The following NLRP5 variants were observed in gnomAD, a reference collection of about 807,000 sequenced individuals.
The protein encoded by NLRP5 is NACHT, LRR and PYD domains-containing protein 5.
NLRP5 carries 93 observed loss-of-function variants against 113.1 expected under a neutral mutation model. The observed-to-expected ratio is 0.82, with a 90% CI of 0.70 to 0.98. The LOEUF (loss-of-function observed/expected upper bound fraction) is 0.98. Among genes scored for constraint, NLRP5 ranks in the 50% least tolerant of loss-of-function variants. The pLI, the probability that NLRP5 is intolerant of heterozygous loss-of-function variation, is 0.00. For missense variants in NLRP5, 1,808 were observed against 1,514.3 expected (o/e 1.19, Z -3.22); for synonymous variants, 751 against 600.7 (o/e 1.25, Z -3.66).
Position 56,027,649 on chromosome 19 carries a change from C to T in NLRP5, c.1416C>T (p.Ala472=), listed in dbSNP as rs767012618. 1.6e-5 allele frequency: 26 copies of T among 1,613,346 alleles called. No individual in the cohort carries two copies. Among genetic ancestry groups the T allele is most frequent in the African/African-American group, 1.3e-5 (1 of 74,942 alleles). The change falls in exon 7 of 15, where the codon GCC becomes GCT. Residue 472 remains alanine, a synonymous_variant. Coordinates refer to ENST00000390649, the MANE Select transcript of NLRP5 (RefSeq NM_153447.4). ...TGCTCGACCAGTGCCAGGTGCCCGCCGTGGGCTCTCTCATCTGCGTGGCCC... is the reference window on the plus strand; with the variant it reads ...TGCTCGACCAGTGCCAGGTGCCCGCTGTGGGCTCTCTCATCTGCGTGGCCC...
intron 1 of NLRP5, chr19:55,999,845 A>T (rs539423695): frequency 1.4e-5 from 18 of 1,317,988 alleles, no homozygotes; most frequent in Non-Finnish European, 2.0e-5. Context: ...TGGTACCATG[A>T]CACACGGATC....
Position 56,028,208 on chromosome 19 carries a change from C to T in NLRP5, c.1975C>T (p.Leu659=), listed in dbSNP as rs755157047. 3.1e-6 allele frequency: 5 copies of T among 1,613,816 alleles called. No homozygotes were observed. The highest frequency in any genetic ancestry group is 1.3e-5 in the African/African-American group (1 of 74,930). Residue 659 remains leucine, a synonymous_variant, in exon 7 of 15, where the codon CTG becomes TTG. Coordinates refer to ENST00000390649, the MANE Select transcript of NLRP5 (RefSeq NM_153447.4). Reference sequence around the variant, plus strand: ...GGTCCTGCTGGGCTGTCCCGTTCCCCTGGGGGTGAAGCAGAAGCTTCTGCA... The same window carrying T: ...GGTCCTGCTGGGCTGTCCCGTTCCCTTGGGGGTGAAGCAGAAGCTTCTGCA...
intron 11 of NLRP5, among the ~76,000 whole-genome samples, chr19:56,045,180 T>G (rs756859381): frequency 2.0e-5 from 3 of 152,236 alleles, no homozygotes; most frequent in Non-Finnish European, 4.4e-5. Context: ...TTTCCTGACT[T>G]GGATGCCCTT....
upstream of NLRP5, among the ~76,000 whole-genome samples, chr19:55,997,246 G>A (rs377516189): frequency 8.6e-5 from 13 of 151,996 alleles, no homozygotes; most frequent in East Asian, 2.3e-3. Flanking sequence ...CTTGATGATC[G>A]TGTGGTTTTT....
chr19:56,039,899 C>G (rs994299671), intron 10 of NLRP5, among the ~76,000 whole-genome samples: 1 of 151,682 alleles, frequency 6.6e-6, no homozygotes, highest in African/African-American at 2.4e-5. Flanking sequence ...GGGCAACAAG[C>G]GCAAAACTCC....
intron 3 of NLRP5, among the ~76,000 whole-genome samples, chr19:56,013,181 CATA>C (rs1982264834): frequency 6.6e-6 from 1 of 151,970 alleles, no homozygotes; most frequent in African/African-American, 2.4e-5. Context: ...CTTCATTTAA[CATA>C]ATGTTTTTGT....
rs568968888 is a variant in NLRP5, at chr19:56,025,214, A to G, written c.680-1699A>G. Among the ~76,000 whole-genome samples, 46 of 152,252 alleles carry G rather than the reference A, an allele frequency of 3.0e-4. 1 individual carries two copies. Among genetic ancestry groups the G allele is most frequent in the African/African-American group, 9.9e-4 (41 of 41,558 alleles). On this transcript the variant is annotated intron_variant, in intron 6 of 14. Coordinates refer to ENST00000390649, the MANE Select transcript of NLRP5 (RefSeq NM_153447.4). Reference sequence around the variant, plus strand: ...ACAATGTAATCATAATAAAGTGCACAATAAACATAATGTGCTTGAGTCATC... The same window carrying G: ...ACAATGTAATCATAATAAAGTGCACGATAAACATAATGTGCTTGAGTCATC...
In NLRP5 at chr19:56,039,012, C is replaced by T. The variant is rs577187863; in HGVS notation, c.2786+817C>T. The stretch of plus-strand genomic sequence containing the variant: ...TGATAACTGATCTAGGGAGGGGAGG[C>T]GAAGCAGCAGCAACAGTTACAGCAA... On this transcript the variant is annotated intron_variant, in intron 10 of 14. Coordinates refer to ENST00000390649, the MANE Select transcript of NLRP5 (RefSeq NM_153447.4). Among the ~76,000 whole-genome samples, 7 of 152,218 alleles carry T rather than the reference C, an allele frequency of 4.6e-5. No individual in the cohort carries two copies. The East Asian group carries it at 9.7e-4, about 21-fold the overall frequency.
chr19:56,050,644 G>A, intron 12 of NLRP5, 56 bp downstream of exon 12: 1 of 1,537,034 alleles, frequency 6.5e-7, no homozygotes, highest in East Asian at 2.3e-5. Context: ...TGGAGTTCCT[G>A]AAAGGTCAAG....
At chr19:56,019,967 G>C (rs184718855) in intron 5 of NLRP5, among the ~76,000 whole-genome samples, 1 of 151,644 alleles carries the variant, frequency 6.6e-6, no homozygotes, top group Admixed American at 6.6e-5. Flanking sequence ...CTCCCGAGTA[G>C]CTGGGATTAC....
At chr19:55,995,486 C>T (rs1981295714), upstream of NLRP5, among the ~76,000 whole-genome samples, 1 of 152,118 alleles carries the variant, frequency 6.6e-6, no homozygotes, top group Non-Finnish European at 1.5e-5. Flanking sequence ...CATGACAGTG[C>T]CATGCTGTTT....
intron 13 of NLRP5, among the ~76,000 whole-genome samples, chr19:56,055,915 T>G (rs2123343290): frequency 6.6e-6 from 1 of 152,258 alleles, no homozygotes; most frequent in South Asian, 2.1e-4. Context: ...CTACAAACAC[T>G]CCAAGCTTCA....
intron 9 of NLRP5, among the ~76,000 whole-genome samples, chr19:56,035,764 A>G (rs1291896656): frequency 6.6e-6 from 1 of 152,072 alleles, no homozygotes; most frequent in South Asian, 2.1e-4. Flanking sequence ...CGTATTCCCC[A>G]AAGTACTTAT....
intron 11 of NLRP5, 136 bp from the exon 12 acceptor site, chr19:56,050,276 CAAAAAA>C: frequency 3.7e-6 from 2 of 540,336 alleles, no homozygotes; most frequent in Non-Finnish European, 6.0e-6. Context: ...CAAGACTCCT[CAAAAAA>C]AAAAAAGAAA....
chr19:56,044,175 T>TGCC (rs1340146336), intron 11 of NLRP5, among the ~76,000 whole-genome samples: 1 of 151,756 alleles, frequency 6.6e-6, no homozygotes, highest in Non-Finnish European at 1.5e-5. Flanking sequence ...GTGATTCTCC[T>TGCC]GCCTCAGCCT....
chr19:56,053,339 T>C (rs1984000357), intron 12 of NLRP5, among the ~76,000 whole-genome samples: 1 of 151,602 alleles, frequency 6.6e-6, no homozygotes, highest in Non-Finnish European at 1.5e-5. Context: ...GAGGTTGCAG[T>C]GAGCCGAGAT....
intron 6 of NLRP5, among the ~76,000 whole-genome samples, chr19:56,023,175 C>G (rs1334347903): frequency 2.0e-5 from 3 of 152,090 alleles, no homozygotes; most frequent in Admixed American, 6.6e-5. Flanking sequence ...TAATTAAATC[C>G]ATAGAAAAAG....
At chr19:56,049,417 G>A (rs1418244675) in intron 11 of NLRP5, among the ~76,000 whole-genome samples, 1 of 152,078 alleles carries the variant, frequency 6.6e-6, no homozygotes, top group Non-Finnish European at 1.5e-5. Flanking sequence ...CCAACCTCGG[G>A]TGATCCACCC....
chr19:56,021,578 T>C (rs779853713), intron 6 of NLRP5, among the ~76,000 whole-genome samples: 14 of 152,208 alleles, frequency 9.2e-5, no homozygotes, highest in Non-Finnish European at 1.5e-4. Flanking sequence ...TCATATGATA[T>C]GTAGTTTTCT....
Sources: gnomAD v4.1 joint callset for allele counts (sites outside exome capture counted in the v4.1 genomes callset) on GRCh38, gnomAD v4.1.1 for gene constraint, MANE v1.5 for transcripts, NCBI Gene and HGNC (gene_info 2026-07-23, HGNC 2026-07-21) for gene names.